The following HECW1 variants were observed in gnomAD, a reference collection of about 807,000 sequenced individuals.
HECW1 encodes the protein HECT, C2 and WW domain containing E3 ubiquitin protein ligase 1.
A neutral mutation model predicts 182.3 loss-of-function variants in HECW1; 61 were observed. That is an observed-to-expected ratio of 0.33 (90% confidence interval 0.27 to 0.41). The LOEUF (loss-of-function observed/expected upper bound fraction) is 0.41, where lower values mean the gene tolerates loss of function less well. HECW1 is among the 10% of genes least tolerant of loss of function. The pLI, the probability that HECW1 is intolerant of heterozygous loss-of-function variation, is 1.00. For synonymous variants in HECW1, 859 were observed against 832.6 expected, an observed-to-expected ratio of 1.03 and a Z score of -0.55; for missense variants, 1,739 against 2,108.9, an observed-to-expected ratio of 0.82 and a Z score of 3.44.
intron 24 of HECW1, among the ~76,000 whole-genome samples, chr7:43,516,004 A>C (rs996744901): frequency 1.3e-5 from 2 of 152,242 alleles, no homozygotes; most frequent in Non-Finnish European, 2.9e-5. Flanking sequence ...TTCACATTTA[A>C]GTTCAAACAT....
chr7:43,305,025 G>A (rs1406710511), intron 3 of HECW1, among the ~76,000 whole-genome samples: 1 of 152,230 alleles, frequency 6.6e-6, no homozygotes, highest in African/African-American at 2.4e-5. Flanking sequence ...ACTGAGAACA[G>A]TCACTGAGTT....
At chr7:43,127,838 A>G (rs1786443830) in intron 2 of HECW1, among the ~76,000 whole-genome samples, 1 of 152,216 alleles carries the variant, frequency 6.6e-6, no homozygotes, top group African/African-American at 2.4e-5. Context: ...CAGAAGATCC[A>G]GGTAAGATCA....
chr7:43,500,689 C>T lies in HECW1; in HGVS notation c.3438-10C>T. On this transcript the variant is annotated splice_polypyrimidine_tract_variant and intron_variant, in intron 19 of 29. Coordinates refer to ENST00000395891, the MANE Select transcript of HECW1 (RefSeq NM_015052.5). ...CATCTAATTTTCCTCTTCTTTCTCA[C>T]ATGATTCAGGGAGAAAATCCATTAC... 1 of 1,608,518 alleles carries T rather than the reference C, an allele frequency of 6.2e-7. No individual in the cohort carries two copies. The highest frequency in any genetic ancestry group is 8.5e-7 in the Non-Finnish European group (1 of 1,174,942).
In HECW1 at chr7:43,287,302, G is replaced by A. The variant is rs1804776132; in HGVS notation, c.28-24461G>A. Among the ~76,000 whole-genome samples, 4 of 152,078 alleles carry A rather than the reference G, an allele frequency of 2.6e-5. No homozygotes were observed. In the South Asian group the frequency reaches 8.3e-4, roughly 32 times the overall value. On this transcript the variant is annotated intron_variant, in intron 3 of 29. Coordinates refer to ENST00000395891, the MANE Select transcript of HECW1 (RefSeq NM_015052.5). ...GAGGCCTGATGAAGGGAGAGCCAGA[G>A]GCCCAGAGATGTCTGGGGGTGCACA...
chr7:43,548,629 C>CT (rs925206460), intron 26 of HECW1, among the ~76,000 whole-genome samples: 6 of 151,600 alleles, frequency 4.0e-5, no homozygotes, highest in South Asian at 2.1e-4. Context: ...TTAATAGAAG[C>CT]TTTTTTTTTC....
At position 43,184,629 on chromosome 7, in the gene HECW1, G is replaced by A. The variant is rs116491585; in HGVS notation, c.-31-59246G>A. 3.8e-3 allele frequency among the ~76,000 whole-genome samples: 580 copies of A among 152,258 alleles called. 3 individuals are homozygous for A. The highest frequency in any genetic ancestry group is 0.013 in the African/African-American group (548 of 41,542). On this transcript the variant is annotated intron_variant, in intron 2 of 29. Transcript: ENST00000395891. ...TCAGCATTACCCCTCAACTTCTGGG[G>A]AGCAGAGACGGGCTAAAGGTTGAGT... is the stretch of plus-strand genomic sequence containing the variant.
At chr7:43,228,511 G>A (rs141903403) in intron 2 of HECW1, among the ~76,000 whole-genome samples, 159 of 152,324 alleles carry the variant, frequency 1.0e-3, no homozygotes, top group African/African-American at 3.5e-3. Context: ...AGAACTATGG[G>A]AACACTCAAT....
At chr7:43,150,192 T>A (rs1364033444) in intron 2 of HECW1, among the ~76,000 whole-genome samples, 2 of 152,202 alleles carry the variant, frequency 1.3e-5, no homozygotes, top group African/African-American at 4.8e-5. Flanking sequence ...AATAGAGAAG[T>A]AAAATAACTT....
chr7:43,183,597 T>C (rs1793075260), intron 2 of HECW1, among the ~76,000 whole-genome samples: 1 of 152,170 alleles, frequency 6.6e-6, no homozygotes, highest in Admixed American at 6.5e-5. Context: ...AATAATAAAA[T>C]ATAAAATCTT....
chr7:43,421,745 G>A (rs1251784477), intron 8 of HECW1, among the ~76,000 whole-genome samples: 1 of 152,192 alleles, frequency 6.6e-6, no homozygotes, highest in African/African-American at 2.4e-5. Context: ...ACACTCACCA[G>A]TGTGCAATGG....
At chr7:43,130,102 C>G (rs1786744931) in intron 2 of HECW1, among the ~76,000 whole-genome samples, 1 of 152,054 alleles carries the variant, frequency 6.6e-6, no homozygotes, top group Admixed American at 6.6e-5. Flanking sequence ...TAAGCTTTGA[C>G]TTACATAATT....
At chr7:43,529,665 C>A (rs1458522834) in intron 24 of HECW1, among the ~76,000 whole-genome samples, 1 of 152,188 alleles carries the variant, frequency 6.6e-6, no homozygotes, top group Non-Finnish European at 1.5e-5. Context: ...TGCTACCCAA[C>A]CTTAACACCC....
intron 3 of HECW1, among the ~76,000 whole-genome samples, chr7:43,311,187 G>A (rs1356131046): frequency 6.6e-6 from 1 of 152,186 alleles, no homozygotes; most frequent in Non-Finnish European, 1.5e-5. Context: ...AGAGTACTAG[G>A]ATGTTTGAAA....
chr7:43,362,131 CAAAAAAA>C (rs34879817), intron 6 of HECW1, among the ~76,000 whole-genome samples: 4 of 87,848 alleles, frequency 4.6e-5, no homozygotes, highest in East Asian at 7.1e-4. Context: ...AACTCCGTCT[CAAAAAAA>C]AAAAAAAAAA....
chr7:43,531,533 G>T (rs1353667419), intron 24 of HECW1, among the ~76,000 whole-genome samples: 3 of 152,250 alleles, frequency 2.0e-5, no homozygotes, highest in Middle Eastern at 3.4e-3. Flanking sequence ...AAACCTCCAT[G>T]TCATGCCCTC....
intron 6 of HECW1, among the ~76,000 whole-genome samples, chr7:43,387,679 T>C (rs1298076870): frequency 6.6e-6 from 1 of 152,258 alleles, no homozygotes; most frequent in Non-Finnish European, 1.5e-5. Flanking sequence ...TTTATAACTC[T>C]TCTAAGCTGG....
intron 21 of HECW1, 141 bp downstream of exon 21, chr7:43,501,463 T>C: frequency 1.9e-6 from 1 of 532,114 alleles, no homozygotes; most frequent in Non-Finnish European, 3.3e-6. Context: ...CTCTATCAGG[T>C]TTTGACAAAT....
At chr7:43,266,713 C>T (rs191150437) in intron 3 of HECW1, among the ~76,000 whole-genome samples, 62 of 152,150 alleles carry the variant, frequency 4.1e-4, no homozygotes, top group African/African-American at 1.2e-3. Context: ...TTTATTATAC[C>T]GCACACCTCC....
At chr7:43,391,015 A>AGT (rs907946188) in intron 6 of HECW1, among the ~76,000 whole-genome samples, 59 of 152,152 alleles carry the variant, frequency 3.9e-4, no homozygotes, top group African/African-American at 1.3e-3. Context: ...TCCACAAACA[A>AGT]GTTTATTGGG....
Sources: allele counts gnomAD v4.1 joint callset (sites outside exome capture counted in the v4.1 genomes callset), GRCh38; gene constraint gnomAD v4.1.1; transcripts MANE v1.5; gene names NCBI Gene and HGNC (gene_info 2026-07-23, HGNC 2026-07-21).